Variants in TRPM2 observed in about 807,000 individuals in gnomAD.
TRPM2 encodes transient receptor potential cation channel subfamily M member 2.
In TRPM2, 161 loss-of-function variants were observed where a neutral mutation model predicts 174.0. The ratio of observed to expected loss-of-function variants is 0.93; its 90% CI spans 0.81 to 1.05. The LOEUF is 1.05. TRPM2 is among the 50% of genes least tolerant of loss of function. The probability of loss-of-function intolerance (pLI) is 0.00; values close to 1 mark genes in which losing one functional copy is unlikely to be tolerated. For synonymous variants in TRPM2, 954 were observed against 861.3 expected (o/e 1.11, Z -1.88); for missense variants, 2,057 against 2,038.0 (o/e 1.01, Z -0.18).
chr21:44,380,936 G>A (rs2048862407), intron 8 of TRPM2, among the ~76,000 whole-genome samples: 1 of 152,208 alleles, frequency 6.6e-6, no homozygotes, highest in East Asian at 1.9e-4. Flanking sequence ...GCGGGCTGAA[G>A]TCCAGGAGAC....
chr21:44,357,034 G>A (rs540799769), intron 2 of TRPM2, among the ~76,000 whole-genome samples: 1 of 152,314 alleles, frequency 6.6e-6, no homozygotes, highest in South Asian at 2.1e-4. Context: ...CTTGCACCCT[G>A]TTTTATCAGC....
In TRPM2 at chr21:44,418,714, C is replaced by T. The variant is rs144608424; in HGVS notation, c.3461+159C>T. On this transcript the variant is annotated intron_variant, in intron 22 of 31. Coordinates refer to ENST00000397928, the MANE Select transcript of TRPM2 (RefSeq NM_003307.4). ...TGGCCCCTGCAATGCTGCAGGCATC[C>T]GGGCCTGTGCCCACAGCTGACCCAG... Among the ~76,000 whole-genome samples the T allele has an allele frequency of 4.3e-3, 659 of 152,266 alleles. 3 individuals carry two copies. Among genetic ancestry groups the T allele is most frequent in the African/African-American group, 0.015 (637 of 41,564 alleles).
Position 44,376,635 on chromosome 21 carries a change from T to C in TRPM2, c.952+622T>C, listed in dbSNP as rs2048706038. Among the ~76,000 whole-genome samples, 2 of 152,232 alleles carry C rather than the reference T, an allele frequency of 1.3e-5. No individual in the cohort carries two copies. The highest frequency in any genetic ancestry group is 4.1e-4 in the South Asian group (2 of 4,832). On this transcript the variant is annotated intron_variant, in intron 6 of 31. Transcript: ENST00000397928. The surrounding 1 kb of genome is among the most constrained non-coding windows in gnomAD (Gnocchi z 4.2). ...TCAAAACTTAGGATTTGATACCTTT[T>C]TCCTCATAGGTGGGATGGGATGGGT...
intron 20 of TRPM2, among the ~76,000 whole-genome samples, chr21:44,417,044 C>T (rs538602910): frequency 4.5e-5 from 5 of 111,176 alleles, no homozygotes; most frequent in African/African-American, 1.5e-4. Flanking sequence ...GTGGGCATGG[C>T]TCTGCTCTCT....
intron 27 of TRPM2, among the ~76,000 whole-genome samples, chr21:44,428,211 C>A (rs1250840707): frequency 6.6e-6 from 1 of 152,160 alleles, no homozygotes; most frequent in Non-Finnish European, 1.5e-5. Context: ...TTCCTATATT[C>A]ATTTGATACA....
At chr21:44,372,786 G>A (rs1311903186) in intron 5 of TRPM2, among the ~76,000 whole-genome samples, 2 of 152,210 alleles carry the variant, frequency 1.3e-5, no homozygotes, top group African/African-American at 2.4e-5. Flanking sequence ...AATGCACTAG[G>A]TGATAAGACC....
chr21:44,400,772 A>C (rs985833767), intron 15 of TRPM2, among the ~76,000 whole-genome samples: 8 of 152,184 alleles, frequency 5.3e-5, no homozygotes, highest in African/African-American at 1.7e-4. Flanking sequence ...GCAGCCGCAG[A>C]GCCTGTATTG....
At chr21:44,423,607 G>T in intron 22 of TRPM2, 38 bp from the exon 23 acceptor site, 2 of 1,575,660 alleles carry the variant, frequency 1.3e-6, no homozygotes, top group South Asian at 2.3e-5. Context: ...GGGCCCCAAG[G>T]TGTGGTGTGC....
At chr21:44,362,141 T>G (rs1399843845) in intron 2 of TRPM2, among the ~76,000 whole-genome samples, 1 of 152,190 alleles carries the variant, frequency 6.6e-6, no homozygotes, top group African/African-American at 2.4e-5. Flanking sequence ...TATAGAAACA[T>G]TATCTCCTTT....
At chr21:44,370,823 C>T (rs1347387852) in intron 5 of TRPM2, among the ~76,000 whole-genome samples, 6 of 152,190 alleles carry the variant, frequency 3.9e-5, no homozygotes, top group Admixed American at 1.3e-4. Flanking sequence ...GGCTGGGTGA[C>T]GTCCCAGGTC....
In TRPM2 at chr21:44,390,788, T is replaced by C. The variant is rs11910314; in HGVS notation, c.1319-116T>C. 2,554 of 1,414,806 alleles carry C rather than the reference T, an allele frequency of 1.8e-3. 38 individuals carry two copies. In the African/African-American group the frequency reaches 0.03, roughly 16 times the overall value. 87.6% of individuals were successfully genotyped at this position (1,414,806 alleles called of 1,614,324 possible). A position where few individuals can be genotyped will look rare whatever the true frequency, so the allele number is the denominator to read the frequency against. ...GTCACTGGGTGCTGCGCCTGTCACT[T>C]TGAATTGTTGAGAGGCAAGGGCTCA... is the stretch of plus-strand genomic sequence containing the variant. On this transcript the variant is annotated intron_variant, in intron 9 of 31. Coordinates refer to ENST00000397928, the MANE Select transcript of TRPM2 (RefSeq NM_003307.4).
intron 27 of TRPM2, among the ~76,000 whole-genome samples, chr21:44,428,195 C>T (rs1049442602): frequency 1.3e-5 from 2 of 152,154 alleles, no homozygotes; most frequent in South Asian, 4.1e-4. Flanking sequence ...ATTATAAAGA[C>T]ACACCTTCCT....
At chr21:44,358,983 G>C (rs2048133365) in intron 2 of TRPM2, among the ~76,000 whole-genome samples, 1 of 151,990 alleles carries the variant, frequency 6.6e-6, no homozygotes, top group Admixed American at 6.6e-5. Context: ...CTGCTGGCTG[G>C]AGGGGTGGCC....
intron 20 of TRPM2, chr21:44,414,675 T>C (rs1417998185): frequency 2.0e-5 from 3 of 152,466 alleles, no homozygotes; most frequent in African/African-American, 4.8e-5. Flanking sequence ...GCGCTGGCTT[T>C]AATGCAGTGT....
chr21:44,426,939 A>G (rs2050811271), intron 26 of TRPM2, 71 bp from the exon 27 acceptor site: 10 of 1,470,606 alleles, frequency 6.8e-6, no homozygotes, highest in African/African-American at 1.4e-5. Context: ...TGGGGGGGTG[A>G]TCCCTCTGCC....
chr21:44,394,096 C>G (rs1036076411), intron 11 of TRPM2, among the ~76,000 whole-genome samples: 2 of 152,010 alleles, frequency 1.3e-5, no homozygotes, highest in African/African-American at 4.8e-5. Flanking sequence ...ATCTGGATCT[C>G]CTGACCTTAG....
At chr21:44,369,492 G>GGGA (rs1462266741) in intron 5 of TRPM2, 149 bp downstream of exon 5, 377 of 901,632 alleles carry the variant, frequency 4.2e-4, no homozygotes, top group Middle Eastern at 7.1e-4. Flanking sequence ...GAGTGTGCGG[G>GGGA]GGCCGGGGTG....
chr21:44,435,074 C>G lies in TRPM2; in HGVS notation c.3975-57C>G, dbSNP rs147061032. On this transcript the variant is annotated intron_variant, in intron 27 of 31. Transcript: ENST00000397928. ...GTCCCCTCTCAGTCCCCCTCCCTGC[C>G]CTGTCCTGCTCCCCCATTGGTGGAC... is the stretch of plus-strand genomic sequence containing the variant. The G allele has an allele frequency of 7.7e-6, 12 of 1,560,706 alleles. 1 individual carries two copies. The African/African-American group carries it at 1.5e-4, about 19-fold the overall frequency.
intron 2 of TRPM2, among the ~76,000 whole-genome samples, chr21:44,363,079 A>T (rs527391851): frequency 0.01 from 1,529 of 152,252 alleles, 12 homozygotes; most frequent in South Asian, 0.035. Context: ...GCCGCTTTTA[A>T]AAGTTTTTAT....
Sources: allele counts gnomAD v4.1 joint callset (sites outside exome capture counted in the v4.1 genomes callset), GRCh38; gene constraint gnomAD v4.1.1; non-coding constraint Gnocchi (gnomAD v3.1); transcripts MANE v1.5; gene names NCBI Gene and HGNC (gene_info 2026-07-23, HGNC 2026-07-21).